EPS8: variants seen among roughly 807,000 people sequenced by gnomAD.
The protein encoded by EPS8 is EGFR pathway substrate 8, signaling adaptor.
A neutral mutation model predicts 103.8 loss-of-function variants in EPS8; 42 were observed. The ratio of observed to expected loss-of-function variants is 0.40; its 90% CI spans 0.32 to 0.52. EPS8 has a LOEUF of 0.52. Ranked by LOEUF, EPS8 falls within the 20% of genes least tolerant of loss-of-function variation. The probability of loss-of-function intolerance (pLI) is 0.40; values close to 1 mark genes in which losing one functional copy is unlikely to be tolerated. For missense variants in EPS8, 969 were observed against 1,005.1 expected (o/e 0.96, Z 0.49); for synonymous variants, 344 against 344.6 (o/e 1.00, Z 0.02).
chr12:15,681,299 G>T lies in EPS8; in HGVS notation c.63C>A (p.Gly21=), dbSNP rs1591850645. The T allele has an allele frequency of 7.4e-7, 1 of 1,352,314 alleles. No individual in the cohort carries two copies. The allele number at this position is 1,352,314 out of a possible 1,614,324, so 83.8% of individuals were successfully genotyped here. Residue 21 remains glycine, a synonymous_variant, in exon 3 of 21, where the codon GGC becomes GGA. Coordinates refer to ENST00000281172, the MANE Select transcript of EPS8 (RefSeq NM_004447.6). ...GGGAAAAGGTAGGTGATGATCCGTA[G>T]CCACTGTAATAATAATAATAATAAT... ...SFGMYPSQMN[G]YGSSPTFSQT... is the part of the protein sequence containing the mutation.
chr12:15,766,151 A>T (rs1469567982), intron 1 of EPS8, among the ~76,000 whole-genome samples: 5 of 151,508 alleles, frequency 3.3e-5, no homozygotes, highest in African/African-American at 4.8e-5. Flanking sequence ...ACTCTTCAGC[A>T]GTTTGTTTTA....
rs539400480 is a variant in EPS8 at position 15,688,173 on chromosome 12, G to T, written c.-21-5201C>A. Among the ~76,000 whole-genome samples the T allele has an allele frequency of 6.4e-4, 97 of 152,256 alleles. No individual in the cohort carries two copies. In the South Asian group the frequency reaches 7.5e-3, roughly 12 times the overall value. On this transcript the variant is annotated intron_variant, in intron 1 of 20. Transcript: ENST00000281172. The surrounding 1 kb of genome is among the most constrained non-coding windows in gnomAD (Gnocchi z 5.1). ...GAAAGGGAAAGAAAACATTTAATGA[G>T]CCCCCAGTTCATAAGACATTTTACA...
intron 1 of EPS8, among the ~76,000 whole-genome samples, chr12:15,786,035 A>T (rs1056415583): frequency 1.1e-4 from 17 of 151,932 alleles, no homozygotes; most frequent in African/African-American, 4.1e-4. Context: ...ATTTATATAG[A>T]TTTCTACCAT....
intron 1 of EPS8, among the ~76,000 whole-genome samples, chr12:15,774,231 T>C (rs570006715): frequency 6.6e-6 from 1 of 152,180 alleles, no homozygotes. Flanking sequence ...TAATGAATTT[T>C]TTCTTTTGGA....
At chr12:15,659,781 T>C (rs890164407) in intron 10 of EPS8, among the ~76,000 whole-genome samples, 6 of 152,204 alleles carry the variant, frequency 3.9e-5, no homozygotes, top group African/African-American at 1.4e-4. Flanking sequence ...TAATTTTATA[T>C]AGCTGAGGCC....
rs1172645076 is a variant in EPS8 at position 15,779,187 on chromosome 12, A to T, written c.-22+9974T>A. Among the ~76,000 whole-genome samples the T allele has an allele frequency of 6.6e-6, 1 of 152,134 alleles. No homozygotes were observed. Among genetic ancestry groups the T allele is most frequent in the Non-Finnish European group, 1.5e-5 (1 of 68,020 alleles). On this transcript the variant is annotated intron_variant, in intron 1 of 20. Coordinates refer to ENST00000281172, the MANE Select transcript of EPS8 (RefSeq NM_004447.6). This position sits in a 1 kb window ranked among gnomAD's most constrained non-coding sequence, Gnocchi z 4.3. Reference sequence around the variant, plus strand: ...GAGACAGGGCGTCTCTATGTTTGTCAGGCTGGTCTCGAACTCCCAAACTCA... The same window carrying T: ...GAGACAGGGCGTCTCTATGTTTGTCTGGCTGGTCTCGAACTCCCAAACTCA...
chr12:15,676,146 G>A (rs970283555), intron 3 of EPS8, among the ~76,000 whole-genome samples: 1 of 151,010 alleles, frequency 6.6e-6, no homozygotes, highest in Non-Finnish European at 1.5e-5. Flanking sequence ...GGTGGCGGGC[G>A]CCTGTAGTCC....
rs770130471 is a variant in EPS8, at chr12:15,698,573, AT to A, written c.-21-15602del. On this transcript the variant is annotated intron_variant, in intron 1 of 20. Coordinates refer to ENST00000281172, the MANE Select transcript of EPS8 (RefSeq NM_004447.6). The surrounding 1 kb of genome is among the most constrained non-coding windows in gnomAD (Gnocchi z 4.9). ...CATCCTCTTTAAAAAAAAAAAAAAA[AT>A]TTAGCTGCTAAGAAGCCCCAGGAAT... 2.4e-3 allele frequency among the ~76,000 whole-genome samples: 299 copies of A among 127,112 alleles called. 1 individual carries two copies. Among genetic ancestry groups the A allele is most frequent in the Middle Eastern group, 4.2e-3 (1 of 238 alleles). The allele number at this position is 127,112 out of a possible 152,430, so 83.4% of individuals were successfully genotyped here.
intron 3 of EPS8, among the ~76,000 whole-genome samples, chr12:15,680,604 A>G (rs1339608356): frequency 6.6e-6 from 1 of 152,202 alleles, no homozygotes; most frequent in Non-Finnish European, 1.5e-5. Context: ...TTATTGTTAT[A>G]CAATAAAAGT....
chr12:15,642,908 A>C (rs768353044), intron 15 of EPS8, among the ~76,000 whole-genome samples: 5 of 152,254 alleles, frequency 3.3e-5, no homozygotes, highest in Non-Finnish European at 5.9e-5. Context: ...CAAAAAGATG[A>C]CCAGTATAGA....
intron 1 of EPS8, among the ~76,000 whole-genome samples, chr12:15,708,760 TG>T (rs1946422046): frequency 6.6e-6 from 1 of 152,248 alleles, no homozygotes. Context: ...CAGAATTGAC[TG>T]TATTTATTCT....
chr12:15,780,371 T>C lies in EPS8; in HGVS notation c.-22+8790A>G, dbSNP rs1350854053. 6.6e-6 allele frequency among the ~76,000 whole-genome samples: 1 copy of C among 151,962 alleles called. No individual in the cohort carries two copies. Among genetic ancestry groups the C allele is most frequent in the Non-Finnish European group, 1.5e-5 (1 of 68,004 alleles). ...ACCTGGAGAGAGATGAGCGTCTCGCTTTGCCTCAAAAATTCATTCTATGAG... is the reference window on the plus strand; with the variant it reads ...ACCTGGAGAGAGATGAGCGTCTCGCCTTGCCTCAAAAATTCATTCTATGAG... On this transcript the variant is annotated intron_variant, in intron 1 of 20. Transcript: ENST00000281172. The surrounding 1 kb of genome is among the most constrained non-coding windows in gnomAD (Gnocchi z 4.1).
chr12:15,747,253 A>G lies in EPS8; in HGVS notation c.-22+41908T>C, dbSNP rs1230009201. Among the ~76,000 whole-genome samples, 1 of 152,198 alleles carries G rather than the reference A, an allele frequency of 6.6e-6. No homozygotes were observed. The highest frequency in any genetic ancestry group is 2.4e-5 in the African/African-American group (1 of 41,446). On this transcript the variant is annotated intron_variant, in intron 1 of 20. Transcript: ENST00000281172. The surrounding 1 kb of genome is among the most constrained non-coding windows in gnomAD (Gnocchi z 4.4). ...AACTGTGGCTCTAATGTAAAGACTC[A>G]ATAGTTAATAAACTGATTTTATTTT...
At chr12:15,741,286 A>G (rs1160324176) in intron 1 of EPS8, among the ~76,000 whole-genome samples, 1 of 152,142 alleles carries the variant, frequency 6.6e-6, no homozygotes, top group Non-Finnish European at 1.5e-5. Context: ...TCCTGCCTCC[A>G]GCCACCCCCC....
chr12:15,674,034 A>G (rs1015343598), intron 3 of EPS8, among the ~76,000 whole-genome samples: 2 of 152,198 alleles, frequency 1.3e-5, no homozygotes, highest in African/African-American at 4.8e-5. Flanking sequence ...TTTATCATAC[A>G]CTATTGCAAA....
Position 15,752,463 on chromosome 12 carries a change from C to CA in EPS8, c.-22+36697dup, listed in dbSNP as rs1213455978. On this transcript the variant is annotated intron_variant, in intron 1 of 20. Transcript: ENST00000281172. The surrounding 1 kb of genome is among the most constrained non-coding windows in gnomAD (Gnocchi z 4.4). ...CTCCATCTCAAAAAAAAAACAAAAA[C>CA]AAAAAAAATAAAAATAAATTCCCCT... Among the ~76,000 whole-genome samples the CA allele has an allele frequency of 6.6e-6, 1 of 150,960 alleles. No homozygotes were observed. The highest frequency in any genetic ancestry group is 6.6e-5 in the Admixed American group (1 of 15,130).
rs2136052890 is a variant in EPS8 at position 15,779,569 on chromosome 12, C to G, written c.-22+9592G>C. 6.6e-6 allele frequency among the ~76,000 whole-genome samples: 1 copy of G among 152,196 alleles called. No individual in the cohort carries two copies. Among genetic ancestry groups the G allele is most frequent in the Non-Finnish European group, 1.5e-5 (1 of 68,002 alleles). On this transcript the variant is annotated intron_variant, in intron 1 of 20. Coordinates refer to ENST00000281172, the MANE Select transcript of EPS8 (RefSeq NM_004447.6). This position sits in a 1 kb window ranked among gnomAD's most constrained non-coding sequence, Gnocchi z 4.3. ...TGTTGCATTAAACCAACAAATATCT[C>G]AATAATATACATGTATTTCTATAAT...
In EPS8 at chr12:15,659,146, A is replaced by T. The variant is rs113065402; in HGVS notation, c.938-561T>A. 1.1e-3 allele frequency among the ~76,000 whole-genome samples: 173 copies of T among 152,280 alleles called. 1 individual carries two copies. Among genetic ancestry groups the T allele is most frequent in the African/African-American group, 4.0e-3 (168 of 41,562 alleles). On this transcript the variant is annotated intron_variant, in intron 10 of 20. Transcript: ENST00000281172. The stretch of plus-strand genomic sequence containing the variant: ...TATACGAAACAACAAACAAAAGGAG[A>T]GAAACATGAGAATGGAAGGGTAGAT...
chr12:15,699,490 T>G (rs1227194825), intron 1 of EPS8, among the ~76,000 whole-genome samples: 1 of 152,188 alleles, frequency 6.6e-6, no homozygotes, highest in Non-Finnish European at 1.5e-5. Context: ...GGATCATATA[T>G]TTAAGAGAAA....
Sources: gnomAD v4.1 joint callset for allele counts (sites outside exome capture counted in the v4.1 genomes callset) on GRCh38, gnomAD v4.1.1 for gene constraint, Gnocchi (gnomAD v3.1) non-coding constraint, MANE v1.5 for transcripts, NCBI Gene and HGNC (gene_info 2026-07-23, HGNC 2026-07-21) for gene names.